Variants in DDX10 observed in about 807,000 individuals in gnomAD.
The protein encoded by DDX10 is DEAD-box helicase 10.
Under a neutral mutation model 104.3 loss-of-function variants are expected in DDX10, and 74 were observed. That is an observed-to-expected ratio of 0.71 (90% CI 0.59 to 0.86). The LOEUF is 0.86. DDX10 is among the 40% of genes least tolerant of loss of function. The probability of loss-of-function intolerance (pLI) is 0.00; values close to 1 mark genes in which losing one functional copy is unlikely to be tolerated. For synonymous variants in DDX10, 351 were observed against 353.4 expected, an observed-to-expected ratio of 0.99 and a Z score of 0.08; for missense variants, 952 against 1,040.0, an observed-to-expected ratio of 0.92 and a Z score of 1.16.
At chr11:108,792,447 G>A (rs974676525) in intron 13 of DDX10, among the ~76,000 whole-genome samples, 2 of 152,162 alleles carry the variant, frequency 1.3e-5, no homozygotes, top group East Asian at 3.8e-4. Context: ...TGGCATGAGT[G>A]AAGTTTCAAA....
chr11:108,899,110 A>G (rs914130827), intron 16 of DDX10, among the ~76,000 whole-genome samples: 4 of 151,946 alleles, frequency 2.6e-5, no homozygotes, highest in Non-Finnish European at 4.4e-5. Flanking sequence ...CTCAATCTCT[A>G]TTTTATTCTC....
At chr11:108,917,440 G>C (rs545445466) in intron 16 of DDX10, among the ~76,000 whole-genome samples, 1 of 152,000 alleles carries the variant, frequency 6.6e-6, no homozygotes, top group African/African-American at 2.4e-5. Context: ...GCCCAGGCTG[G>C]TGTGCAATGG....
intron 16 of DDX10, among the ~76,000 whole-genome samples, chr11:108,900,244 A>G (rs540568059): frequency 1.2e-4 from 19 of 152,150 alleles, no homozygotes; most frequent in Middle Eastern, 3.2e-3. Context: ...TGCTTCTTGT[A>G]TAGCCTGCAG....
chr11:108,907,938 G>A (rs564607377), intron 16 of DDX10, among the ~76,000 whole-genome samples: 40 of 151,976 alleles, frequency 2.6e-4, no homozygotes, highest in Non-Finnish European at 5.4e-4. Flanking sequence ...AAAGTGATGG[G>A]GCCAGGCTGT....
At chr11:108,773,677 A>G (rs558160647) in intron 13 of DDX10, among the ~76,000 whole-genome samples, 1 of 152,176 alleles carries the variant, frequency 6.6e-6, no homozygotes, top group East Asian at 1.9e-4. Flanking sequence ...ATTTCCACAG[A>G]TACTTAAGGG....
chr11:108,879,659 C>T (rs1863200925), intron 16 of DDX10, among the ~76,000 whole-genome samples: 1 of 152,160 alleles, frequency 6.6e-6, no homozygotes, highest in Admixed American at 6.5e-5. Context: ...TATCAAGTTA[C>T]TTCAATAAGT....
intron 17 of DDX10, chr11:108,920,370 A>G (rs568192194): frequency 2.0e-5 from 3 of 152,342 alleles, no homozygotes; most frequent in Admixed American, 6.5e-5. Context: ...GGATTGGTCA[A>G]CTTGTTTTAA....
intron 17 of DDX10, among the ~76,000 whole-genome samples, chr11:108,925,362 C>T (rs1217703683): frequency 6.6e-6 from 1 of 152,142 alleles, no homozygotes; most frequent in Non-Finnish European, 1.5e-5. Flanking sequence ...TTATATATAA[C>T]TTAGGACAGT....
At chr11:108,896,515 G>A (rs1863443424) in intron 16 of DDX10, among the ~76,000 whole-genome samples, 1 of 152,154 alleles carries the variant, frequency 6.6e-6, no homozygotes, top group Non-Finnish European at 1.5e-5. Context: ...AGCTCAGGAT[G>A]CTAACCCATA....
intron 8 of DDX10, 43 bp downstream of exon 8, chr11:108,692,081 A>AC: frequency 6.5e-7 from 1 of 1,535,668 alleles, no homozygotes; most frequent in South Asian, 1.3e-5. Context: ...ATTGTGTGAA[A>AC]TGTAATTTGC....
chr11:108,878,756 G>A (rs1056778728), intron 16 of DDX10, among the ~76,000 whole-genome samples: 4 of 150,442 alleles, frequency 2.7e-5, no homozygotes, highest in African/African-American at 9.8e-5. Context: ...ATATGTTAGT[G>A]CAAAGAACTT....
intron 17 of DDX10, among the ~76,000 whole-genome samples, chr11:108,930,129 G>GC (rs149586707): frequency 0.054 from 8,204 of 152,132 alleles, 247 homozygotes; most frequent in South Asian, 0.088. Flanking sequence ...ATAGCTCATT[G>GC]CCCTCAAAAT....
chr11:108,779,212 A>G (rs542193561), intron 13 of DDX10, among the ~76,000 whole-genome samples: 1 of 152,380 alleles, frequency 6.6e-6, no homozygotes, highest in African/African-American at 2.4e-5. Context: ...ATTATAAATC[A>G]TGCTGCTATA....
intron 6 of DDX10, among the ~76,000 whole-genome samples, chr11:108,683,190 G>A (rs2094237977): frequency 6.6e-6 from 1 of 152,168 alleles, no homozygotes; most frequent in South Asian, 2.1e-4. Flanking sequence ...GAACCTCGTA[G>A]CATTGTGACC....
At chr11:108,863,551 A>T (rs1296684097) in intron 16 of DDX10, among the ~76,000 whole-genome samples, 1 of 152,138 alleles carries the variant, frequency 6.6e-6, no homozygotes, top group Non-Finnish European at 1.5e-5. Context: ...AAGCTCATCC[A>T]TTTATTTATA....
intron 13 of DDX10, among the ~76,000 whole-genome samples, chr11:108,815,176 C>T (rs537267888): frequency 3.3e-4 from 50 of 152,080 alleles, no homozygotes; most frequent in African/African-American, 1.2e-3. Context: ...TGTAACATTA[C>T]CTTTTGGTTT....
At chr11:108,846,075 A>G (rs990782932) in intron 15 of DDX10, among the ~76,000 whole-genome samples, 4 of 152,218 alleles carry the variant, frequency 2.6e-5, no homozygotes, top group African/African-American at 7.2e-5. Context: ...TTAAAGATTT[A>G]GAAAACTGAA....
intron 1 of DDX10, among the ~76,000 whole-genome samples, chr11:108,673,195 T>C (rs2094219272): frequency 6.6e-6 from 1 of 152,170 alleles, no homozygotes; most frequent in South Asian, 2.1e-4. Flanking sequence ...GTGTTCAACA[T>C]TTTGGAGGTC....
chr11:108,912,488 A>T (rs1283737119), intron 16 of DDX10, among the ~76,000 whole-genome samples: 1 of 151,996 alleles, frequency 6.6e-6, no homozygotes, highest in African/African-American at 2.4e-5. Flanking sequence ...ATACCTTCCA[A>T]CCACCCTTTC....
Sources: allele counts gnomAD v4.1 joint callset (sites outside exome capture counted in the v4.1 genomes callset), GRCh38; gene constraint gnomAD v4.1.1; transcripts MANE v1.5; gene names NCBI Gene and HGNC (gene_info 2026-07-23, HGNC 2026-07-21).